Variants in DOCK9 observed in about 807,000 individuals in gnomAD.
The protein encoded by DOCK9 is dedicator of cytokinesis 9, also known as dedicator of cytokinesis protein 9.
Under a neutral mutation model 263.3 loss-of-function variants are expected in DOCK9, and 89 were observed. That is an observed-to-expected ratio of 0.34 (90% confidence interval 0.28 to 0.40). The LOEUF (loss-of-function observed/expected upper bound fraction) is 0.40. Ranked by LOEUF, DOCK9 falls within the 10% of genes least tolerant of loss-of-function variation. DOCK9 has a pLI of 1.00. For synonymous variants in DOCK9, 976 were observed against 973.1 expected (o/e 1.00, Z -0.06); for missense variants, 2,140 against 2,603.4 (o/e 0.82, Z 3.87).
chr13:98,794,946 A>G (rs1261324460), intron 52 of DOCK9, among the ~76,000 whole-genome samples, 198 bp from the exon 53 acceptor site: 1 of 152,002 alleles, frequency 6.6e-6, no homozygotes, highest in Admixed American at 6.5e-5. Flanking sequence ...CCCACATCAC[A>G]CACACAAGTC....
At chr13:98,970,593 C>A (rs544721507) in intron 1 of DOCK9, among the ~76,000 whole-genome samples, 5 of 152,308 alleles carry the variant, frequency 3.3e-5, no homozygotes, top group Admixed American at 2.0e-4. Context: ...AGACTGGCTC[C>A]TCCCCGGGAA....
Position 99,079,816 on chromosome 13 carries a change from A to G in DOCK9, c.129+6407T>C, listed in dbSNP as rs191885737. On this transcript the variant is annotated intron_variant, in intron 1 of 32. Coordinates refer to the DOCK9 transcript ENST00000427887. ...GCACTTTGGGATGCCGAAGTGGGTG[A>G]ATCATTTGAGGTCAGGAGTTCAAGA... 6.8e-3 allele frequency among the ~76,000 whole-genome samples: 1,037 copies of G among 152,236 alleles called. 4 individuals are homozygous for G. The highest frequency in any genetic ancestry group is 0.014 in the Middle Eastern group (4 of 294).
chr13:98,868,249 G>A lies in DOCK9; in HGVS notation c.3072C>T (p.Ser1024=). ...NPEASKNANH[S]LAVFIKRCFT... is the part of the protein sequence containing the mutation. ...TCCCCACCTTGATGAAGACAGCAAGGCTATGATTCGCGTTCTTAGATGCCT... is the reference window on the plus strand; with the variant it reads ...TCCCCACCTTGATGAAGACAGCAAGACTATGATTCGCGTTCTTAGATGCCT... The change falls in exon 28 of 53, where the codon AGC becomes AGT. Residue 1024 remains serine (S), a synonymous_variant. Coordinates refer to ENST00000682017, the MANE Select transcript of DOCK9 (RefSeq NM_001366683.2). 1 of 1,613,884 alleles carries A rather than the reference G, an allele frequency of 6.2e-7. No homozygotes were observed. The highest frequency in any genetic ancestry group is 8.5e-7 in the Non-Finnish European group (1 of 1,179,852).
intron 49 of DOCK9, among the ~76,000 whole-genome samples, chr13:98,804,587 G>A (rs138899424): frequency 4.0e-5 from 5 of 125,746 alleles, no homozygotes; most frequent in South Asian, 2.4e-4. Flanking sequence ...TGAGACCGCT[G>A]AGCAGGCCAT....
Position 98,940,938 on chromosome 13 carries a change from G to GT in DOCK9, c.244-10682dup, listed in dbSNP as rs544593395. Among the ~76,000 whole-genome samples, 768 of 152,238 alleles carry GT rather than the reference G, an allele frequency of 5.0e-3. 3 individuals carry two copies. Among genetic ancestry groups the GT allele is most frequent in the Non-Finnish European group, 7.7e-3 (521 of 68,010 alleles). ...TCATGCCTCAGCTGAAATTCTTTCA[G>GT]TGACGCCTCATTGCCACCAGAATAA... On this transcript the variant is annotated intron_variant, in intron 2 of 52. Coordinates refer to ENST00000682017, the MANE Select transcript of DOCK9 (RefSeq NM_001366683.2).
intron 1 of DOCK9, among the ~76,000 whole-genome samples, chr13:99,078,208 G>C (rs116577088): frequency 6.6e-6 from 1 of 152,122 alleles, no homozygotes; most frequent in Non-Finnish European, 1.5e-5. Context: ...CACAACATGC[G>C]GTAGAAGCGG....
At chr13:98,925,451 A>T (rs182043769) in intron 4 of DOCK9, among the ~76,000 whole-genome samples, 1 of 152,198 alleles carries the variant, frequency 6.6e-6, no homozygotes, top group Non-Finnish European at 1.5e-5. Flanking sequence ...AATTTATTCA[A>T]TGTAAAATGC....
At chr13:99,005,128 C>T (rs4612921) in intron 1 of DOCK9, among the ~76,000 whole-genome samples, 95,440 of 151,808 alleles carry the variant, frequency 0.63, 30,453 homozygotes, top group East Asian at 0.9. Context: ...AGCTGCCACG[C>T]TGGAATTTTT....
At chr13:98,836,442 T>A (rs370855769) in intron 39 of DOCK9, among the ~76,000 whole-genome samples, 93 of 152,326 alleles carry the variant, frequency 6.1e-4, no homozygotes, top group African/African-American at 2.0e-3. Flanking sequence ...TGTTCAGGTC[T>A]CACACCCAGA....
chr13:98,995,274 A>G (rs1381639741), intron 1 of DOCK9, among the ~76,000 whole-genome samples: 2 of 152,202 alleles, frequency 1.3e-5, no homozygotes, highest in African/African-American at 4.8e-5. Flanking sequence ...GGTTCATCAT[A>G]TACACCAGCA....
chr13:98,982,984 T>C (rs1394601991), upstream of DOCK9, among the ~76,000 whole-genome samples: 1 of 152,228 alleles, frequency 6.6e-6, no homozygotes, highest in Admixed American at 6.5e-5. Context: ...GTAGATACTG[T>C]AGCTAACCAT....
chr13:98,851,315 T>A (rs16955953), intron 35 of DOCK9, among the ~76,000 whole-genome samples: 3,214 of 152,310 alleles, frequency 0.021, 52 homozygotes, highest in Non-Finnish European at 0.032. Context: ...AGACCAGTAA[T>A]AAGGGTAGGT....
At chr13:99,043,216 G>T (rs912689) in intron 1 of DOCK9, among the ~76,000 whole-genome samples, 41,374 of 152,144 alleles carry the variant, frequency 0.27, 6,010 homozygotes, top group East Asian at 0.43. Context: ...ATCCCTGGAA[G>T]CCCCTACAGT....
chr13:98,963,449 T>C (rs2058875177), intron 1 of DOCK9, among the ~76,000 whole-genome samples: 1 of 152,138 alleles, frequency 6.6e-6, no homozygotes, highest in Non-Finnish European at 1.5e-5. Context: ...TCGAAAACCA[T>C]GGGAAGAGCT....
chr13:98,846,682 C>G (rs1009266458), intron 37 of DOCK9: 28 of 611,826 alleles, frequency 4.6e-5, no homozygotes, highest in African/African-American at 4.5e-4. Flanking sequence ...GACACCTGTC[C>G]CCTGTCCCGG....
chr13:98,880,101 A>G (rs2044494103), intron 26 of DOCK9, 132 bp from the exon 27 acceptor site: 2 of 657,298 alleles, frequency 3.0e-6, no homozygotes, highest in South Asian at 2.1e-5. Flanking sequence ...CTCTTGGCAC[A>G]TTATGATCAG....
chr13:98,978,043 G>A lies in DOCK9; in HGVS notation c.-134C>T, dbSNP rs1256368633. 5.9e-5 allele frequency: 85 copies of A among 1,444,514 alleles called. No individual in the cohort carries two copies. The highest frequency in any genetic ancestry group is 7.3e-5 in the Non-Finnish European group (80 of 1,103,352). 89.5% of individuals were successfully genotyped at this position (1,444,514 alleles called of 1,614,324 possible). ...TTCCCAGGCACAAGTGGTCAGCCCC[G>A]CTGGCTGGGTCTGCAGAGCCTGTGG... On this transcript the variant is annotated 5_prime_UTR_variant, in exon 1 of 53. Coordinates refer to ENST00000682017, the MANE Select transcript of DOCK9 (RefSeq NM_001366683.2).
chr13:98,917,864 C>T (rs2051159769), intron 7 of DOCK9, among the ~76,000 whole-genome samples: 1 of 152,056 alleles, frequency 6.6e-6, no homozygotes, highest in Admixed American at 6.6e-5. Context: ...CCGGGGGTTC[C>T]ACCTGGCGGC....
At position 98,941,966 on chromosome 13, in the gene DOCK9, T is replaced by C. The variant is rs138995124; in HGVS notation, c.244-11709A>G. On this transcript the variant is annotated intron_variant, in intron 2 of 52. Transcript: ENST00000682017. Reference sequence around the variant, plus strand: ...CAAATTTTAGGGGAAATATCATCACTGAATTACAGATTAAGAAAAGTGAGT... The same window carrying C: ...CAAATTTTAGGGGAAATATCATCACCGAATTACAGATTAAGAAAAGTGAGT... Among the ~76,000 whole-genome samples, 862 of 152,324 alleles carry C rather than the reference T, an allele frequency of 5.7e-3. 6 individuals carry two copies. Among genetic ancestry groups the C allele is most frequent in the Non-Finnish European group, 8.5e-3 (581 of 68,030 alleles).
Sources: allele counts gnomAD v4.1 joint callset (sites outside exome capture counted in the v4.1 genomes callset), GRCh38; gene constraint gnomAD v4.1.1; transcripts MANE v1.5; gene names NCBI Gene and HGNC (gene_info 2026-07-23, HGNC 2026-07-21).